The following DAB1 variants were observed in gnomAD, a reference collection of about 807,000 sequenced individuals.
The protein encoded by DAB1 is disabled homolog 1.
A neutral mutation model predicts 64.6 loss-of-function variants in DAB1; 15 were observed. The ratio of observed to expected loss-of-function variants is 0.23; its 90% confidence interval spans 0.16 to 0.36. The LOEUF is 0.36. DAB1 is among the 10% of genes least tolerant of loss of function. The pLI is 1.00. For synonymous variants in DAB1, 235 were observed against 251.9 expected, an observed-to-expected ratio of 0.93 and a Z score of 0.64; for missense variants, 596 against 706.7, an observed-to-expected ratio of 0.84 and a Z score of 1.78.
At chr1:58,132,321 G>A (rs1427139536) in intron 5 of DAB1, among the ~76,000 whole-genome samples, 6 of 152,118 alleles carry the variant, frequency 3.9e-5, no homozygotes, top group African/African-American at 9.7e-5. Context: ...TTCAGCTCGC[G>A]CACGGTGCAC....
chr1:57,463,681 T>C (rs911154467), intron 7 of DAB1, among the ~76,000 whole-genome samples: 2 of 152,214 alleles, frequency 1.3e-5, no homozygotes, highest in East Asian at 3.8e-4. Context: ...TTAGTAAGAT[T>C]CGACAGGATT....
intron 2 of DAB1, among the ~76,000 whole-genome samples, chr1:57,202,226 G>A (rs932493544): frequency 5.3e-5 from 8 of 152,142 alleles, no homozygotes; most frequent in African/African-American, 1.9e-4. Context: ...CAATTGAGAG[G>A]CTATAGTTGG....
chr1:57,626,093 T>C (rs76393948), intron 7 of DAB1, among the ~76,000 whole-genome samples: 4 of 152,288 alleles, frequency 2.6e-5, no homozygotes, highest in East Asian at 1.9e-4. Flanking sequence ...CTTTTTTTTT[T>C]CTCAAGTTTG....
intron 5 of DAB1, among the ~76,000 whole-genome samples, chr1:58,024,416 T>G (rs1646858889): frequency 6.6e-6 from 1 of 152,200 alleles, no homozygotes; most frequent in Non-Finnish European, 1.5e-5. Context: ...TTTCAAATGC[T>G]TAGCAGAGTT....
intron 7 of DAB1, among the ~76,000 whole-genome samples, chr1:57,468,745 A>G (rs1687040929): frequency 6.6e-6 from 1 of 152,246 alleles, no homozygotes. Flanking sequence ...CAAACAAGCC[A>G]GAACATTTAA....
chr1:58,118,495 T>TAC (rs1235587463), intron 5 of DAB1, among the ~76,000 whole-genome samples: 3 of 84,398 alleles, frequency 3.6e-5, no homozygotes, highest in South Asian at 4.1e-4. Flanking sequence ...TATATATATA[T>TAC]ATATATATAC....
chr1:57,981,031 A>C (rs895258697), intron 5 of DAB1, among the ~76,000 whole-genome samples: 1 of 152,026 alleles, frequency 6.6e-6, no homozygotes, highest in Non-Finnish European at 1.5e-5. Flanking sequence ...AAATTAGCCT[A>C]AATGCTTAAA....
intron 4 of DAB1, among the ~76,000 whole-genome samples, chr1:58,206,373 G>A (rs1480497780): frequency 6.6e-6 from 1 of 152,156 alleles, no homozygotes; most frequent in Non-Finnish European, 1.5e-5. Flanking sequence ...AAATTCATTG[G>A]GAGGAAAGTA....
At chr1:58,150,218 C>CT (rs1654843371) in intron 5 of DAB1, among the ~76,000 whole-genome samples, 1 of 152,190 alleles carries the variant, frequency 6.6e-6, no homozygotes, top group African/African-American at 2.4e-5. Context: ...CCAGGTATGC[C>CT]TGGCCCCAAG....
At chr1:58,276,439 T>C (rs1257862079) in intron 4 of DAB1, among the ~76,000 whole-genome samples, 2 of 152,210 alleles carry the variant, frequency 1.3e-5, no homozygotes, top group Non-Finnish European at 2.9e-5. Context: ...TGGGAAGTTC[T>C]GGGAAATCTA....
chr1:57,071,219 C>A (rs1651426004), intron 6 of DAB1, 158 bp from the exon 7 acceptor site: 2 of 715,480 alleles, frequency 2.8e-6, no homozygotes, highest in Admixed American at 5.8e-5. Context: ...AGTCAAAATC[C>A]TTAGAGCCAC....
At chr1:57,057,741 G>A (rs1649940449) in intron 9 of DAB1, among the ~76,000 whole-genome samples, 2 of 151,086 alleles carry the variant, frequency 1.3e-5, no homozygotes, top group African/African-American at 2.4e-5. Context: ...CCAAGCAGCT[G>A]GGACTACAGG....
At chr1:57,807,245 C>T (rs551249434) in intron 6 of DAB1, among the ~76,000 whole-genome samples, 2 of 152,322 alleles carry the variant, frequency 1.3e-5, no homozygotes, top group South Asian at 4.1e-4. Context: ...CCCCTGTAGA[C>T]CTTATTTCCC....
chr1:57,651,134 T>C (rs943888108), intron 6 of DAB1, among the ~76,000 whole-genome samples: 1 of 151,970 alleles, frequency 6.6e-6, no homozygotes, highest in Non-Finnish European at 1.5e-5. Context: ...GAGGCAGCAA[T>C]TTTTCAGAGC....
At chr1:58,251,941 TC>T (rs1660810459) in intron 4 of DAB1, among the ~76,000 whole-genome samples, 1 of 152,036 alleles carries the variant, frequency 6.6e-6, no homozygotes, top group South Asian at 2.1e-4. Context: ...CACAGCAACT[TC>T]CCCTCTGCCT....
chr1:57,966,328 GT>G (rs1192894400), intron 5 of DAB1, among the ~76,000 whole-genome samples: 1 of 152,110 alleles, frequency 6.6e-6, no homozygotes, highest in Non-Finnish European at 1.5e-5. Flanking sequence ...CTGACTTTTT[GT>G]GGGCTCTGGA....
At chr1:57,213,087 T>C (rs1557950237) in intron 2 of DAB1, among the ~76,000 whole-genome samples, 1 of 150,572 alleles carries the variant, frequency 6.6e-6, no homozygotes, top group Non-Finnish European at 1.5e-5. Flanking sequence ...CCCAGCTGGG[T>C]GATCTAAAGC....
intron 3 of DAB1, among the ~76,000 whole-genome samples, chr1:58,477,258 C>A (rs917253008): frequency 6.6e-6 from 1 of 152,072 alleles, no homozygotes; most frequent in Admixed American, 6.6e-5. Flanking sequence ...ACCTTGTAAA[C>A]GCTAAAGCAA....
At chr1:58,077,767 T>C (rs1427516240) in intron 5 of DAB1, among the ~76,000 whole-genome samples, 1 of 152,076 alleles carries the variant, frequency 6.6e-6, no homozygotes, top group Non-Finnish European at 1.5e-5. Context: ...GGGAGCACGT[T>C]CCCCTCATGC....
Sources: gnomAD v4.1 joint callset for allele counts (sites outside exome capture counted in the v4.1 genomes callset) on GRCh38, gnomAD v4.1.1 for gene constraint, MANE v1.5 for transcripts, NCBI Gene and HGNC (gene_info 2026-07-23, HGNC 2026-07-21) for gene names.